The following SCML4 variants were observed in gnomAD, a reference collection of about 807,000 sequenced individuals.
SCML4 encodes sex comb on midleg-like protein 4.
Under a neutral mutation model 41.1 loss-of-function variants are expected in SCML4, and 34 were observed. The ratio of observed to expected loss-of-function variants is 0.83; its 90% CI spans 0.63 to 1.10. SCML4 has a LOEUF of 1.10. Among genes scored for constraint, SCML4 ranks in the 50% least tolerant of loss-of-function variants. SCML4 has a pLI of 0.00. For synonymous variants in SCML4, 214 were observed against 220.9 expected, an observed-to-expected ratio of 0.97 and a Z score of 0.28; for missense variants, 522 against 534.1, an observed-to-expected ratio of 0.98 and a Z score of 0.22.
chr6:107,763,374 G>A (rs944942717), intron 2 of SCML4, among the ~76,000 whole-genome samples: 1 of 147,304 alleles, frequency 6.8e-6, no homozygotes, highest in Non-Finnish European at 1.5e-5. Context: ...AGAGATTCAT[G>A]TTCTTGTTTT....
At chr6:107,790,228 C>T (rs543254751) in intron 1 of SCML4, among the ~76,000 whole-genome samples, 2 of 152,280 alleles carry the variant, frequency 1.3e-5, no homozygotes, top group East Asian at 1.9e-4. Context: ...CACCCTGAGA[C>T]AAGTCAACAG....
chr6:107,779,004 C>T (rs1193219230), intron 1 of SCML4, among the ~76,000 whole-genome samples: 2 of 151,976 alleles, frequency 1.3e-5, no homozygotes, highest in Non-Finnish European at 2.9e-5. Flanking sequence ...CACCGTGAAA[C>T]CCCGTCTCTA....
intron 2 of SCML4, among the ~76,000 whole-genome samples, chr6:107,755,050 C>G (rs894918876): frequency 6.6e-6 from 1 of 151,826 alleles, no homozygotes; most frequent in African/African-American, 2.4e-5. Flanking sequence ...GCTGCAGTGA[C>G]CTATGATCAC....
intron 5 of SCML4, among the ~76,000 whole-genome samples, chr6:107,742,867 A>G (rs896248459): frequency 6.6e-6 from 1 of 152,182 alleles, no homozygotes. Context: ...CATTACGTAC[A>G]CAGACAAACC....
At chr6:107,797,466 C>T (rs190033659) in intron 1 of SCML4, among the ~76,000 whole-genome samples, 18 of 152,106 alleles carry the variant, frequency 1.2e-4, no homozygotes, top group Admixed American at 3.3e-4. Flanking sequence ...GATTTTTGTA[C>T]AATGACTTTG....
intron 5 of SCML4, among the ~76,000 whole-genome samples, chr6:107,729,167 C>T (rs997213160): frequency 1.3e-5 from 2 of 152,150 alleles, no homozygotes; most frequent in Non-Finnish European, 1.5e-5. Context: ...ACTAACAAAC[C>T]GGGTGGTTTA....
intron 1 of SCML4, among the ~76,000 whole-genome samples, chr6:107,804,094 CTT>C (rs1783536112): frequency 6.7e-6 from 1 of 148,628 alleles, no homozygotes; most frequent in Non-Finnish European, 1.5e-5. Context: ...AGCATTGGCT[CTT>C]TTTCTGAGCA....
chr6:107,749,242 C>T (rs1024739721), intron 3 of SCML4, among the ~76,000 whole-genome samples: 4 of 152,046 alleles, frequency 2.6e-5, no homozygotes, highest in African/African-American at 7.2e-5. Context: ...GGGATACCTG[C>T]TACCCTGACT....
At chr6:107,827,044 C>A (rs1488471589), upstream of SCML4, among the ~76,000 whole-genome samples, 3 of 151,356 alleles carry the variant, frequency 2.0e-5, no homozygotes, top group Non-Finnish European at 4.4e-5. Context: ...GCCTGGGCGA[C>A]AGAGCGAGAC....
chr6:107,755,781 G>A lies in SCML4; in HGVS notation c.157-5968C>T, dbSNP rs117084782. 3.6e-3 allele frequency: 1,088 copies of A among 306,072 alleles called. 12 individuals carry two copies. In the East Asian group the frequency reaches 0.047, roughly 13 times the overall value. 19.0% of individuals were successfully genotyped at this position (306,072 alleles called of 1,614,324 possible). ...ATGTAAGGAAAAAAAACTCCTTGCA[G>A]ACATGGCTGATTTTAGGATTAGGGT... On this transcript the variant is annotated intron_variant, in intron 2 of 7. Transcript: ENST00000369020.
the SCML4 span, among the ~76,000 whole-genome samples, chr6:107,840,459 C>G: frequency 6.6e-6 from 1 of 152,192 alleles, no homozygotes; most frequent in Non-Finnish European, 1.5e-5. Context: ...CCTATGATAG[C>G]TGAAACAGGG....
At chr6:107,732,510 C>A (rs145782452) in intron 5 of SCML4, 2 of 152,358 alleles carry the variant, frequency 1.3e-5, no homozygotes, top group East Asian at 3.9e-4. Flanking sequence ...ATGCCTGACA[C>A]CTGAACTTCT....
intron 1 of SCML4, among the ~76,000 whole-genome samples, chr6:107,807,943 C>T (rs139007159): frequency 2.0e-5 from 3 of 152,346 alleles, no homozygotes; most frequent in Non-Finnish European, 4.4e-5. Context: ...TAACAACCTA[C>T]AGCACTTCCA....
In SCML4 at chr6:107,756,354, T is replaced by C. The variant is rs534248705; in HGVS notation, c.157-6541A>G. ...ATGCCACGTCACCTCTGGGATCTTC[T>C]TCCCCAAGCCCCCTAACCCTAGTCT... On this transcript the variant is annotated intron_variant, in intron 2 of 7. Transcript: ENST00000369020. Among the ~76,000 whole-genome samples, 4 of 152,346 alleles carry C rather than the reference T, an allele frequency of 2.6e-5. No homozygotes were observed. The South Asian group carries it at 8.3e-4, about 32-fold the overall frequency.
chr6:107,749,781 G>C lies in SCML4; in HGVS notation c.189C>G (p.Ala63=). 6.2e-7 allele frequency: 1 copy of C among 1,614,044 alleles called. No individual in the cohort carries two copies. The change falls in exon 3 of 8, where the codon GCC becomes GCG. Residue 63 remains alanine, a synonymous_variant. Coordinates refer to ENST00000369020, the MANE Select transcript of SCML4 (RefSeq NM_198081.5). The stretch of plus-strand genomic sequence containing the variant: ...CTGGGGTACTCCGCGGAGGTGAGAG[G>C]GCTAAGGGAGTCATGAGAACCCGAG... ...IKSRVLMTPL[A]LSPPRSTPEP...
rs981862272 is a variant in SCML4 at position 107,721,126 on chromosome 6, A to G, written c.683-133T>C. 6.2e-6 allele frequency: 7 copies of G among 1,125,582 alleles called. No homozygotes were observed. The African/African-American group carries it at 1.1e-4, about 18-fold the overall frequency. The allele number at this position is 1,125,582 out of a possible 1,614,324, so 69.7% of individuals were successfully genotyped here. A position where few individuals can be genotyped will look rare whatever the true frequency, so the allele number is the denominator to read the frequency against. On this transcript the variant is annotated intron_variant, in intron 5 of 7. Coordinates refer to ENST00000369020, the MANE Select transcript of SCML4 (RefSeq NM_198081.5). Reference sequence around the variant, plus strand: ...TGTGAGCATGCAGAGAGGAGAAATGAACCTCACAACATAATTCCAAATAGC... The same window carrying G: ...TGTGAGCATGCAGAGAGGAGAAATGGACCTCACAACATAATTCCAAATAGC...
the SCML4 span, among the ~76,000 whole-genome samples, chr6:107,842,438 T>C: frequency 5.9e-5 from 9 of 152,212 alleles, no homozygotes; most frequent in African/African-American, 2.2e-4. Flanking sequence ...AGTTGGTTGA[T>C]GTTATCCAGA....
At chr6:107,751,812 T>C (rs1272162854) in intron 2 of SCML4, among the ~76,000 whole-genome samples, 2 of 152,032 alleles carry the variant, frequency 1.3e-5, no homozygotes, top group Admixed American at 6.6e-5. Flanking sequence ...ATTTTTGTAT[T>C]TTTAGTAGAG....
At chr6:107,841,789 C>G in the SCML4 span, among the ~76,000 whole-genome samples, 7 of 152,134 alleles carry the variant, frequency 4.6e-5, no homozygotes, top group Non-Finnish European at 1.0e-4. Context: ...GGAGAGGGCC[C>G]ACACCTCCAA....
Sources: gnomAD v4.1 joint callset for allele counts (sites outside exome capture counted in the v4.1 genomes callset) on GRCh38, gnomAD v4.1.1 for gene constraint, MANE v1.5 for transcripts, NCBI Gene and HGNC (gene_info 2026-07-23, HGNC 2026-07-21) for gene names.